The following SYNJ2 variants were observed in gnomAD, a reference collection of about 807,000 sequenced individuals.
The protein encoded by SYNJ2 is polyphosphatidylinositol phosphatase SYNJ2.
In SYNJ2, 116 loss-of-function variants were observed where a neutral mutation model predicts 141.3. The observed-to-expected ratio is 0.82, with a 90% CI of 0.71 to 0.96. SYNJ2 has a LOEUF of 0.96. Among genes scored for constraint, SYNJ2 ranks in the 40% least tolerant of loss-of-function variants. The pLI, the probability that SYNJ2 is intolerant of heterozygous loss-of-function variation, is 0.00. For missense variants in SYNJ2, 1,873 were observed against 1,934.8 expected (o/e 0.97, Z 0.60); for synonymous variants, 745 against 777.7 (o/e 0.96, Z 0.70).
intron 1 of SYNJ2, among the ~76,000 whole-genome samples, chr6:157,984,257 A>G (rs572960806): frequency 2.0e-5 from 3 of 152,358 alleles, no homozygotes; most frequent in Admixed American, 6.5e-5. Flanking sequence ...AGAGAGCCTT[A>G]TGTTACTAGA....
chr6:158,028,894 T>C lies in SYNJ2; in HGVS notation c.353T>C (p.Ile118Thr). The change falls in exon 3 of 27, where the codon ATA becomes ACA. Residue 118 changes from isoleucine (I) to threonine (T), a missense_variant. By Grantham distance (89) the Ile-to-Thr change is moderately conservative. Coordinates refer to ENST00000355585, the MANE Select transcript of SYNJ2 (RefSeq NM_003898.4). Reference protein sequence around the residue: ...QEEAKEEERLIALKKILSSGV... With the variant: ...QEEAKEEERLTALKKILSSGV... Reference sequence around the variant, plus strand: ...GAGGCCAAGGAGGAGGAACGCCTCATAGCTTTGAAGAAAATCCTCAGCTCG... The same window carrying C: ...GAGGCCAAGGAGGAGGAACGCCTCACAGCTTTGAAGAAAATCCTCAGCTCG... 6.2e-7 allele frequency: 1 copy of C among 1,614,192 alleles called. No individual in the cohort carries two copies. Among genetic ancestry groups the C allele is most frequent in the Non-Finnish European group, 8.5e-7 (1 of 1,180,028 alleles).
chr6:158,027,203 GT>G lies in SYNJ2; in HGVS notation c.215-1549del. On this transcript the variant is annotated intron_variant, in intron 2 of 26. Transcript: ENST00000355585. This position sits in a 1 kb window ranked among gnomAD's most constrained non-coding sequence, Gnocchi z 4.6. Reference sequence around the variant, plus strand: ...GGGTGAGAGGGTGGTGGAACTGGTTGTTTTGGGGGTCTCTTCCTGGAGTGTG... The same window carrying G: ...GGGTGAGAGGGTGGTGGAACTGGTTGTTTGGGGGTCTCTTCCTGGAGTGTG... The G allele has an allele frequency of 1.0e-6, 1 of 984,992 alleles. No homozygotes were observed. The highest frequency in any genetic ancestry group is 1.2e-6 in the Non-Finnish European group (1 of 829,814). 61.0% of individuals were successfully genotyped at this position (984,992 alleles called of 1,614,324 possible).
intron 12 of SYNJ2, among the ~76,000 whole-genome samples, chr6:158,067,161 G>A (rs1287372865): frequency 2.0e-5 from 3 of 152,196 alleles, no homozygotes; most frequent in African/African-American, 7.2e-5. Context: ...TGGGATTACA[G>A]GCGCCCACCA....
chr6:158,025,076 A>G (rs1778968750), intron 2 of SYNJ2, among the ~76,000 whole-genome samples: 1 of 152,228 alleles, frequency 6.6e-6, no homozygotes, highest in Non-Finnish European at 1.5e-5. Flanking sequence ...AGCAACAGAC[A>G]TTTATTTCGC....
At position 158,081,315 on chromosome 6, in the gene SYNJ2, T is replaced by G; in HGVS notation, c.2774T>G (p.Ile925Ser). Reference sequence around the variant, plus strand: ...CAGACCTTGGGGAGTTATGGGACAATTGTTCTTGTCAGGTAACTGCTCCCC... The same window carrying G: ...CAGACCTTGGGGAGTTATGGGACAAGTGTTCTTGTCAGGTAACTGCTCCCC... ...LMQTLGSYGTIVLVRINQGQM... is the reference protein window; with the variant it reads ...LMQTLGSYGTSVLVRINQGQM... The change falls in exon 19 of 27, where the codon ATT becomes AGT. Residue 925 changes from isoleucine (I) to serine (S), a missense_variant. Transcript: ENST00000355585. 6.2e-7 allele frequency: 1 copy of G among 1,614,128 alleles called. No homozygotes were observed. The highest frequency in any genetic ancestry group is 8.5e-7 in the Non-Finnish European group (1 of 1,180,020).
chr6:158,002,654 C>A (rs1053923906), intron 1 of SYNJ2, among the ~76,000 whole-genome samples: 7 of 152,232 alleles, frequency 4.6e-5, no homozygotes, highest in Non-Finnish European at 7.3e-5. Context: ...TGCTCCACCC[C>A]TCCCTCTTGT....
chr6:158,003,555 C>T lies in SYNJ2; in HGVS notation c.128-13649C>T, dbSNP rs116262411. 3.8e-3 allele frequency among the ~76,000 whole-genome samples: 581 copies of T among 152,296 alleles called. 6 individuals carry two copies. Among genetic ancestry groups the T allele is most frequent in the African/African-American group, 0.013 (555 of 41,556 alleles). On this transcript the variant is annotated intron_variant, in intron 1 of 26. Coordinates refer to ENST00000355585, the MANE Select transcript of SYNJ2 (RefSeq NM_003898.4). ...TTCATGTCATGTCCAAGAATGTGGC[C>T]ACAAATGCTACCTCAGTCTCGGGCT...
chr6:157,985,707 GC>G, intron 1 of SYNJ2, among the ~76,000 whole-genome samples: 1 of 152,318 alleles, frequency 6.6e-6, no homozygotes, highest in East Asian at 1.9e-4. Context: ...TTCTCCAACA[GC>G]CCCCAGGAAC....
At chr6:157,997,410 C>T (rs897460577) in intron 1 of SYNJ2, among the ~76,000 whole-genome samples, 10 of 152,054 alleles carry the variant, frequency 6.6e-5, no homozygotes, top group South Asian at 2.1e-4. Flanking sequence ...CACAGGCAGA[C>T]GCACGCAGAG....
At chr6:158,032,129 G>T (rs909845006) in intron 3 of SYNJ2, among the ~76,000 whole-genome samples, 1 of 151,864 alleles carries the variant, frequency 6.6e-6, no homozygotes, top group Non-Finnish European at 1.5e-5. Context: ...CGCGGGCTGT[G>T]CTCCCTGTGG....
At chr6:158,069,713 G>A (rs750055257) in intron 14 of SYNJ2, 40 bp downstream of exon 14, 1 of 1,559,138 alleles carries the variant, frequency 6.4e-7, no homozygotes, top group South Asian at 1.2e-5. Flanking sequence ...GGAACAAGGG[G>A]TTGTTAGTCT....
chr6:158,086,761 C>T (rs1783061332), intron 22 of SYNJ2, 94 bp from the exon 23 acceptor site: 2 of 1,426,142 alleles, frequency 1.4e-6, no homozygotes, highest in Admixed American at 1.9e-5. Context: ...CAGCAGGTCC[C>T]CCTGCCACAG....
At position 158,064,735 on chromosome 6, in the gene SYNJ2, G is replaced by A; in HGVS notation, c.1344G>A (p.Leu448=). The A allele has an allele frequency of 6.2e-7, 1 of 1,613,894 alleles. No homozygotes were observed. Among genetic ancestry groups the A allele is most frequent in the Non-Finnish European group, 8.5e-7 (1 of 1,180,018 alleles). Residue 448 remains leucine (L), a synonymous_variant, in exon 10 of 27, where the codon CTG becomes CTA. Transcript: ENST00000355585. ...AGGTGTTCACAGGCAGCAGAGCCCT[G>A]GAAGGGAAGGCCAAGGTAGGGCCCC... The part of the protein sequence containing the change: ...LSKVFTGSRA[L]EGKAKVGKLK...
intron 3 of SYNJ2, chr6:158,030,292 A>G (rs1329862888): frequency 6.5e-6 from 1 of 152,674 alleles, no homozygotes; most frequent in Non-Finnish European, 1.5e-5. Flanking sequence ...ACCTCATCTA[A>G]TGTAATGTTT....
chr6:158,004,874 C>T (rs564137860), intron 1 of SYNJ2, among the ~76,000 whole-genome samples: 9 of 151,750 alleles, frequency 5.9e-5, no homozygotes, highest in African/African-American at 1.2e-4. Context: ...ATGAGTCTGG[C>T]GCTTGTTCTT....
chr6:158,062,203 G>A, intron 8 of SYNJ2, 39 bp downstream of exon 8: 1 of 1,598,692 alleles, frequency 6.3e-7, no homozygotes, highest in Non-Finnish European at 8.5e-7. Flanking sequence ...CTTCTGCTGG[G>A]GGGAAGCGTC....
In SYNJ2 at chr6:158,094,054, C is replaced by A; in HGVS notation, c.3744+950C>A. 4.0e-6 allele frequency: 3 copies of A among 757,788 alleles called. No homozygotes were observed. In the South Asian group the frequency reaches 4.1e-5, roughly 10 times the overall value. The allele number at this position is 757,788 out of a possible 1,614,324, so 46.9% of individuals were successfully genotyped here. On this transcript the variant is annotated intron_variant, in intron 26 of 26. Coordinates refer to ENST00000355585, the MANE Select transcript of SYNJ2 (RefSeq NM_003898.4). ...GGACCCTCGGTAATCCCTTCCTGGT[C>A]ATCACAGCACGATGCTGCTTCCCCC...
At chr6:158,028,038 G>A (rs1779148814) in intron 2 of SYNJ2, 1 of 152,768 alleles carries the variant, frequency 6.5e-6, no homozygotes, top group South Asian at 2.1e-4. Context: ...TCCCAGGCAG[G>A]GGGAGCATCT....
At chr6:158,021,028 G>A (rs1778741333) in intron 2 of SYNJ2, among the ~76,000 whole-genome samples, 1 of 152,220 alleles carries the variant, frequency 6.6e-6, no homozygotes, top group South Asian at 2.1e-4. Context: ...TAGCCAGGGA[G>A]TCAGGCTTCC....
Sources: allele counts gnomAD v4.1 joint callset (sites outside exome capture counted in the v4.1 genomes callset), GRCh38; gene constraint gnomAD v4.1.1; non-coding constraint Gnocchi (gnomAD v3.1); transcripts MANE v1.5; gene names NCBI Gene and HGNC (gene_info 2026-07-23, HGNC 2026-07-21).